CENPW: variants seen among roughly 807,000 people sequenced by gnomAD.
The protein encoded by CENPW is centromere protein W, also known as cancer-up-regulated gene 2 protein.
A neutral mutation model predicts 11.1 loss-of-function variants in CENPW; 3 were observed. The ratio of observed to expected loss-of-function variants is 0.27; its 90% CI spans 0.12 to 0.70. The LOEUF is 0.70. CENPW is among the 30% of genes least tolerant of loss of function. The probability of loss-of-function intolerance (pLI) is 0.77; values close to 1 mark genes in which losing one functional copy is unlikely to be tolerated. For missense variants in CENPW, 100 were observed against 105.6 expected (o/e 0.95, Z 0.23); for synonymous variants, 38 against 42.0 (o/e 0.91, Z 0.37).
the CENPW span, among the ~76,000 whole-genome samples, chr6:126,408,606 G>A: frequency 6.6e-6 from 1 of 152,200 alleles, no homozygotes; most frequent in East Asian, 1.9e-4. Context: ...ATTAACTCAA[G>A]ATGGACTGCA....
chr6:126,421,846 T>C, the CENPW span, among the ~76,000 whole-genome samples: 12 of 152,294 alleles, frequency 7.9e-5, no homozygotes, highest in Middle Eastern at 3.4e-3. Flanking sequence ...ATTAATGTTT[T>C]GAGTTCCTTC....
the CENPW span, among the ~76,000 whole-genome samples, chr6:126,423,943 A>G: frequency 2.0e-5 from 3 of 152,098 alleles, no homozygotes; most frequent in South Asian, 6.2e-4. Flanking sequence ...TGCACCCACT[A>G]ACTCATCATC....
At chr6:126,432,827 T>C in the CENPW span, among the ~76,000 whole-genome samples, 1 of 152,176 alleles carries the variant, frequency 6.6e-6, no homozygotes, top group African/African-American at 2.4e-5. Flanking sequence ...ACAATCTCTC[T>C]CTCCAAACAT....
the CENPW span, among the ~76,000 whole-genome samples, chr6:126,409,034 A>G: frequency 6.6e-6 from 1 of 152,020 alleles, no homozygotes; most frequent in Admixed American, 6.6e-5. Context: ...CTTGAGATGC[A>G]TCATTCAGTC....
At chr6:126,424,332 GA>G in the CENPW span, among the ~76,000 whole-genome samples, 29 of 152,074 alleles carry the variant, frequency 1.9e-4, no homozygotes, top group Non-Finnish European at 3.7e-4. Flanking sequence ...TTACACCACT[GA>G]GACCTCTTAT....
At chr6:126,416,144 G>T in the CENPW span, among the ~76,000 whole-genome samples, 27 of 152,294 alleles carry the variant, frequency 1.8e-4, no homozygotes, top group East Asian at 5.2e-3. Flanking sequence ...AACTTGTTGG[G>T]AACTGGAACA....
the CENPW span, among the ~76,000 whole-genome samples, chr6:126,427,405 GATTTGA>G: frequency 6.6e-6 from 1 of 152,120 alleles, no homozygotes; most frequent in Non-Finnish European, 1.5e-5. Flanking sequence ...CAATTGATAG[GATTTGA>G]GCACCGTGTG....
At chr6:126,446,339 C>A in the CENPW span, among the ~76,000 whole-genome samples, 43 of 150,594 alleles carry the variant, frequency 2.9e-4, no homozygotes, top group African/African-American at 1.0e-3. Flanking sequence ...CAGCCAACTT[C>A]AAATGACCCC....
At chr6:126,425,308 T>C in the CENPW span, among the ~76,000 whole-genome samples, 1 of 152,086 alleles carries the variant, frequency 6.6e-6, no homozygotes. Context: ...GGTCAAAGTC[T>C]TTCCTTTCCT....
At chr6:126,422,674 T>A in the CENPW span, among the ~76,000 whole-genome samples, 1 of 152,102 alleles carries the variant, frequency 6.6e-6, no homozygotes, top group Non-Finnish European at 1.5e-5. Flanking sequence ...ACACTCTACT[T>A]CATCCCTCAT....
chr6:126,438,027 T>C, the CENPW span, among the ~76,000 whole-genome samples: 2 of 151,848 alleles, frequency 1.3e-5, no homozygotes, highest in Non-Finnish European at 1.5e-5. Flanking sequence ...TTGGCTTTTT[T>C]TTTTCTTCCA....
At chr6:126,445,790 A>G in the CENPW span, among the ~76,000 whole-genome samples, 1 of 151,216 alleles carries the variant, frequency 6.6e-6, no homozygotes, top group Admixed American at 6.6e-5. Flanking sequence ...AAAAATGTGA[A>G]TTTATTTTAC....
At chr6:126,437,005 A>G in the CENPW span, among the ~76,000 whole-genome samples, 1 of 151,662 alleles carries the variant, frequency 6.6e-6, no homozygotes, top group African/African-American at 2.4e-5. Context: ...AAGGTCTATA[A>G]TGGGCATTGA....
chr6:126,403,405 T>C, the CENPW span, among the ~76,000 whole-genome samples: 8 of 152,188 alleles, frequency 5.3e-5, no homozygotes, highest in African/African-American at 1.9e-4. Flanking sequence ...GAAAAGTTCT[T>C]AAAGGAAATT....
chr6:126,351,494 C>G (rs943282436), downstream of CENPW, among the ~76,000 whole-genome samples: 1 of 151,972 alleles, frequency 6.6e-6, no homozygotes, highest in African/African-American at 2.4e-5. Context: ...TACTTCCCTA[C>G]CTGACTTAGA....
the CENPW span, among the ~76,000 whole-genome samples, chr6:126,419,483 T>C: frequency 1.3e-5 from 2 of 152,208 alleles, no homozygotes; most frequent in African/African-American, 4.8e-5. Flanking sequence ...CTTGTCCTTA[T>C]GGCGTTTATA....
the CENPW span, among the ~76,000 whole-genome samples, chr6:126,416,122 A>G: frequency 2.0e-5 from 3 of 152,202 alleles, no homozygotes; most frequent in Non-Finnish European, 2.9e-5. Flanking sequence ...GTGGTCTCAG[A>G]TGGAAATGAG....
At chr6:126,365,757 T>C in the CENPW span, among the ~76,000 whole-genome samples, 2 of 152,240 alleles carry the variant, frequency 1.3e-5, no homozygotes, top group Non-Finnish European at 2.9e-5. Context: ...TAGCGATTTT[T>C]CTGTAACTGG....
At chr6:126,433,359 A>G in the CENPW span, among the ~76,000 whole-genome samples, 3 of 152,190 alleles carry the variant, frequency 2.0e-5, no homozygotes, top group African/African-American at 7.2e-5. Context: ...TGGTAAGCTG[A>G]ATAAACCTTG....
Sources: allele counts gnomAD v4.1 joint callset (sites outside exome capture counted in the v4.1 genomes callset), GRCh38; gene constraint gnomAD v4.1.1; transcripts MANE v1.5; gene names NCBI Gene and HGNC (gene_info 2026-07-23, HGNC 2026-07-21).